Variants in KAT6B observed in about 807,000 individuals in gnomAD.
KAT6B encodes histone acetyltransferase KAT6B.
In KAT6B, 10 loss-of-function variants were observed where a neutral mutation model predicts 187.5. The ratio of observed to expected loss-of-function variants is 0.05; its 90% CI spans 0.03 to 0.09. KAT6B has a LOEUF of 0.09. KAT6B is among the 10% of genes least tolerant of loss of function. The pLI, the probability that KAT6B is intolerant of heterozygous loss-of-function variation, is 1.00. For missense variants in KAT6B, 1,952 were observed against 2,558.9 expected (o/e 0.76, Z 5.12); for synonymous variants, 861 against 926.8 (o/e 0.93, Z 1.29).
At chr10:74,999,365 G>A (rs2133952845) in intron 13 of KAT6B, among the ~76,000 whole-genome samples, 1 of 152,336 alleles carries the variant, frequency 6.6e-6, no homozygotes, top group Non-Finnish European at 1.5e-5. Context: ...GCATTAGAGG[G>A]AGCAGCTGGG....
intron 13 of KAT6B, among the ~76,000 whole-genome samples, chr10:74,992,542 C>G (rs1843182798): frequency 6.6e-6 from 1 of 152,174 alleles, no homozygotes; most frequent in Non-Finnish European, 1.5e-5. Context: ...CCACATATCG[C>G]TAGCCCAGGA....
At chr10:74,861,136 C>CAA (rs753772395) in intron 3 of KAT6B, among the ~76,000 whole-genome samples, 6 of 127,310 alleles carry the variant, frequency 4.7e-5, no homozygotes, top group Non-Finnish European at 6.8e-5. Flanking sequence ...ACCTCCGTCT[C>CAA]AAAAAAAAAA....
chr10:74,961,719 T>G (rs1181223640), intron 4 of KAT6B, among the ~76,000 whole-genome samples: 1 of 152,192 alleles, frequency 6.6e-6, no homozygotes, highest in Non-Finnish European at 1.5e-5. Flanking sequence ...TTGATCTCCT[T>G]TATGTTTGAG....
chr10:74,957,923 G>A (rs976021323), intron 3 of KAT6B, among the ~76,000 whole-genome samples: 2 of 152,206 alleles, frequency 1.3e-5, no homozygotes, highest in African/African-American at 4.8e-5. Flanking sequence ...GTTATAGCTT[G>A]TCTCTTTTCG....
intron 3 of KAT6B, among the ~76,000 whole-genome samples, chr10:74,939,024 G>A (rs1265266651): frequency 6.6e-6 from 1 of 150,916 alleles, no homozygotes; most frequent in South Asian, 2.1e-4. Context: ...GGTGTGAGCT[G>A]CCGTGCCCAG....
chr10:74,825,445 G>A (rs1342359246), upstream of KAT6B: 1 of 151,408 alleles, frequency 6.6e-6, no homozygotes, highest in Non-Finnish European at 1.5e-5. This position sits in a 1 kb window ranked among gnomAD's most constrained non-coding sequence, Gnocchi z 5.0. Context: ...GGCGCGGGGG[G>A]AGCGGGGCTG....
chr10:75,019,884 G>T (rs2134145881), intron 13 of KAT6B, among the ~76,000 whole-genome samples: 1 of 152,004 alleles, frequency 6.6e-6, no homozygotes, highest in East Asian at 1.9e-4. Context: ...CATGCAATAG[G>T]TTGTTTTAAG....
intron 3 of KAT6B, among the ~76,000 whole-genome samples, chr10:74,896,424 G>A (rs893815096): frequency 3.9e-5 from 6 of 152,002 alleles, no homozygotes; most frequent in African/African-American, 7.3e-5. Context: ...CTGAGTAGCC[G>A]GGACTACAGG....
At chr10:75,028,286 C>T (rs139379243) in intron 17 of KAT6B, among the ~76,000 whole-genome samples, 28 of 152,206 alleles carry the variant, frequency 1.8e-4, no homozygotes, top group African/African-American at 6.3e-4. Context: ...CAATATGTTA[C>T]TCTCCCAGGC....
chr10:74,924,069 G>T (rs879281730), intron 3 of KAT6B, among the ~76,000 whole-genome samples: 3 of 152,160 alleles, frequency 2.0e-5, no homozygotes, highest in Admixed American at 6.5e-5. Context: ...AGACTTCAAG[G>T]TTATTGGCCT....
chr10:74,834,081 G>A (rs1841082877), intron 1 of KAT6B, among the ~76,000 whole-genome samples: 2 of 152,172 alleles, frequency 1.3e-5, no homozygotes, highest in African/African-American at 4.8e-5. Flanking sequence ...ACAGGTTTGT[G>A]TGTGTATGTG....
intron 3 of KAT6B, among the ~76,000 whole-genome samples, chr10:74,853,971 A>G (rs1344793471): frequency 6.6e-6 from 1 of 152,108 alleles, no homozygotes; most frequent in African/African-American, 2.4e-5. Context: ...TAATTGTAAA[A>G]TTCTTGACTT....
intron 1 of KAT6B, among the ~76,000 whole-genome samples, chr10:74,837,301 G>A (rs1344621991): frequency 3.9e-5 from 6 of 152,080 alleles, no homozygotes; most frequent in African/African-American, 7.2e-5. Context: ...CTGATATTTT[G>A]TAGTTAAAAA....
chr10:74,928,576 C>T (rs1270257502), intron 3 of KAT6B, among the ~76,000 whole-genome samples: 1 of 152,148 alleles, frequency 6.6e-6, no homozygotes, highest in Non-Finnish European at 1.5e-5. Flanking sequence ...CAATTTGAAT[C>T]ACTGGCTTAA....
At chr10:74,862,727 A>G (rs537311504) in intron 3 of KAT6B, among the ~76,000 whole-genome samples, 3 of 152,246 alleles carry the variant, frequency 2.0e-5, no homozygotes, top group African/African-American at 7.2e-5. Flanking sequence ...TCAAATCCCA[A>G]GTTTTCCTCA....
intron 3 of KAT6B, among the ~76,000 whole-genome samples, chr10:74,873,811 T>A (rs966398810): frequency 6.6e-6 from 1 of 152,160 alleles, no homozygotes; most frequent in African/African-American, 2.4e-5. Context: ...TTTCCTCAAT[T>A]CAGCCACTCT....
chr10:75,021,291 G>A lies in KAT6B; in HGVS notation c.3021+6G>A, dbSNP rs761666873. 3.7e-6 allele frequency: 6 copies of A among 1,613,756 alleles called. No homozygotes were observed. The highest frequency in any genetic ancestry group is 3.4e-6 in the Non-Finnish European group (4 of 1,179,710). ...AGCGAGAAGCTGAGAAAGAGGTAAT[G>A]ATTGTCTTTATCATCCTAAGTTGTG... On this transcript the variant is annotated splice_donor_region_variant and intron_variant, in intron 15 of 17. Transcript: ENST00000287239.
intron 3 of KAT6B, among the ~76,000 whole-genome samples, chr10:74,867,630 G>C (rs1302911950): frequency 2.0e-5 from 3 of 152,232 alleles, no homozygotes; most frequent in African/African-American, 7.2e-5. Context: ...CACACTGCCA[G>C]TTGTTTTAGA....
intron 3 of KAT6B, among the ~76,000 whole-genome samples, chr10:74,875,713 A>G (rs1272110687): frequency 6.6e-6 from 1 of 151,862 alleles, no homozygotes; most frequent in Non-Finnish European, 1.5e-5. Flanking sequence ...TGACCTGCCC[A>G]CCTCAGCCTC....
Sources: allele counts gnomAD v4.1 joint callset (sites outside exome capture counted in the v4.1 genomes callset), GRCh38; gene constraint gnomAD v4.1.1; non-coding constraint Gnocchi (gnomAD v3.1); transcripts MANE v1.5; gene names NCBI Gene and HGNC (gene_info 2026-07-23, HGNC 2026-07-21).